The following KCNC2 variants were observed in gnomAD, a reference collection of about 807,000 sequenced individuals.
KCNC2 encodes the protein potassium voltage-gated channel subfamily C member 2.
In KCNC2, 21 loss-of-function variants were observed where a neutral mutation model predicts 44.5. That is an observed-to-expected ratio of 0.47 (90% confidence interval 0.33 to 0.68). The LOEUF (loss-of-function observed/expected upper bound fraction) is 0.68. KCNC2 is among the 30% of genes least tolerant of loss of function. The pLI, the probability that KCNC2 is intolerant of heterozygous loss-of-function variation, is 0.01. For synonymous variants in KCNC2, 391 were observed against 339.1 expected (o/e 1.15, Z -1.68); for missense variants, 589 against 826.2 (o/e 0.71, Z 3.52).
chr12:75,042,273 C>T lies in KCNC2; in HGVS notation c.*832G>A, dbSNP rs200057599. On this transcript the variant is annotated 3_prime_UTR_variant, in exon 5 of 5. Coordinates refer to ENST00000549446, the MANE Select transcript of KCNC2 (RefSeq NM_139137.4). ...GGCTAAACAATGCAAGCCTGGCTGG[C>T]AGTTACCTTTCTCTCATGTTTTGTG... is the stretch of plus-strand genomic sequence containing the variant. 5 of 1,607,864 alleles carry T rather than the reference C, an allele frequency of 3.1e-6. No individual in the cohort carries two copies. In the Admixed American group the frequency reaches 5.1e-5, roughly 16 times the overall value.
chr12:75,151,224 A>G (rs533815797), intron 2 of KCNC2, among the ~76,000 whole-genome samples: 4 of 152,116 alleles, frequency 2.6e-5, no homozygotes, highest in South Asian at 4.1e-4. Flanking sequence ...ACCCTTCCAT[A>G]TCAAACAAAC....
At chr12:75,187,307 C>T (rs1893020245) in intron 2 of KCNC2, among the ~76,000 whole-genome samples, 1 of 152,180 alleles carries the variant, frequency 6.6e-6, no homozygotes, top group Non-Finnish European at 1.5e-5. Flanking sequence ...CATTTCTGCT[C>T]TAGGAGAGTA....
At chr12:75,135,858 T>C (rs1398914078) in intron 2 of KCNC2, among the ~76,000 whole-genome samples, 2 of 152,030 alleles carry the variant, frequency 1.3e-5, no homozygotes, top group East Asian at 3.8e-4. Context: ...TGTCACTCTA[T>C]GTGTACCCAG....
intron 2 of KCNC2, among the ~76,000 whole-genome samples, chr12:75,206,240 G>A (rs1258121883): frequency 3.3e-5 from 5 of 152,048 alleles, no homozygotes; most frequent in East Asian, 1.9e-4. Context: ...TCTGGGTGTC[G>A]GAAGCAAACC....
intron 2 of KCNC2, among the ~76,000 whole-genome samples, chr12:75,101,918 C>CT (rs1886402330): frequency 6.6e-6 from 1 of 151,914 alleles, no homozygotes; most frequent in African/African-American, 2.4e-5. Flanking sequence ...GTTCAAACTG[C>CT]TTATCCTAGC....
intron 2 of KCNC2, among the ~76,000 whole-genome samples, chr12:75,076,237 G>C (rs1883958907): frequency 6.6e-6 from 1 of 152,050 alleles, no homozygotes; most frequent in African/African-American, 2.4e-5. Context: ...TTCTTGAACA[G>C]TGCCAGAACA....
chr12:75,156,535 A>G (rs888409501), intron 2 of KCNC2, among the ~76,000 whole-genome samples: 5 of 151,940 alleles, frequency 3.3e-5, no homozygotes, highest in South Asian at 4.1e-4. Context: ...CTTTAAAGTC[A>G]ATAGGTATTA....
intron 2 of KCNC2, among the ~76,000 whole-genome samples, chr12:75,110,137 A>C (rs1461698847): frequency 6.6e-6 from 1 of 152,150 alleles, no homozygotes; most frequent in Non-Finnish European, 1.5e-5. Context: ...AACAATAGAC[A>C]AAACGTTTTC....
chr12:75,197,660 T>C (rs1391915591), intron 2 of KCNC2, among the ~76,000 whole-genome samples: 1 of 152,010 alleles, frequency 6.6e-6, no homozygotes, highest in Non-Finnish European at 1.5e-5. Flanking sequence ...AGTTGTCAAC[T>C]AACAGATTCA....
In KCNC2 at chr12:75,053,254, A is replaced by G. The variant is rs1008964812; in HGVS notation, c.688-1937T>C. On this transcript the variant is annotated intron_variant, in intron 2 of 4. Coordinates refer to ENST00000549446, the MANE Select transcript of KCNC2 (RefSeq NM_139137.4). ...TGTCATTAGAGTCCTGCCAATATGT[A>G]CCTACTAACTCCCACCCCAACTACA... 7.1e-5 allele frequency among the ~76,000 whole-genome samples: 5 copies of G among 69,984 alleles called. No homozygotes were observed. The East Asian group carries it at 1.5e-3, about 20-fold the overall frequency. 45.9% of individuals were successfully genotyped at this position (69,984 alleles called of 152,430 possible). A position where few individuals can be genotyped will look rare whatever the true frequency, so the allele number is the denominator to read the frequency against.
chr12:75,074,163 A>T (rs1883684226), intron 2 of KCNC2, among the ~76,000 whole-genome samples: 1 of 152,082 alleles, frequency 6.6e-6, no homozygotes, highest in Non-Finnish European at 1.5e-5. Flanking sequence ...ATTCTATTAC[A>T]GTACTAGTCA....
chr12:75,186,751 T>C (rs1248246770), intron 2 of KCNC2, among the ~76,000 whole-genome samples: 8 of 152,244 alleles, frequency 5.3e-5, no homozygotes, highest in Non-Finnish European at 1.0e-4. Flanking sequence ...CTTATTTTCA[T>C]GATACTTTAT....
intron 2 of KCNC2, among the ~76,000 whole-genome samples, chr12:75,121,440 AG>A (rs1888038374): frequency 6.6e-6 from 1 of 152,234 alleles, no homozygotes; most frequent in African/African-American, 2.4e-5. Flanking sequence ...ATACTAAACA[AG>A]TAATCACACA....
chr12:75,113,709 T>C (rs138508113), intron 2 of KCNC2, among the ~76,000 whole-genome samples: 147 of 152,266 alleles, frequency 9.7e-4, no homozygotes, highest in African/African-American at 3.4e-3. Context: ...AAGTCCATCT[T>C]TGCAAGCTCA....
chr12:75,186,618 T>G (rs1393203778), intron 2 of KCNC2, among the ~76,000 whole-genome samples: 2 of 152,214 alleles, frequency 1.3e-5, no homozygotes, highest in African/African-American at 4.8e-5. Flanking sequence ...AAACTTTCTT[T>G]TATTTCCTGA....
intron 2 of KCNC2, among the ~76,000 whole-genome samples, chr12:75,057,216 C>CTGT (rs1881842643): frequency 2.6e-5 from 4 of 151,934 alleles, no homozygotes; most frequent in African/African-American, 7.2e-5. Context: ...TTCTTTTTTA[C>CTGT]AGCACCATAA....
chr12:75,187,121 T>A (rs118105318), intron 2 of KCNC2, among the ~76,000 whole-genome samples: 1 of 152,304 alleles, frequency 6.6e-6, no homozygotes, highest in Non-Finnish European at 1.5e-5. Context: ...TTCAGAAAAC[T>A]GACAAATTTG....
chr12:75,046,988 A>T (rs566185241), intron 4 of KCNC2, among the ~76,000 whole-genome samples: 2 of 152,150 alleles, frequency 1.3e-5, no homozygotes, highest in South Asian at 4.1e-4. Flanking sequence ...TTTGAACCTT[A>T]AAATGGTAAA....
chr12:75,200,680 A>G (rs1438720814), intron 2 of KCNC2, among the ~76,000 whole-genome samples: 6 of 151,592 alleles, frequency 4.0e-5, no homozygotes, highest in African/African-American at 1.2e-4. Context: ...ACTATACACT[A>G]TACATACACA....
Sources: allele counts gnomAD v4.1 joint callset (sites outside exome capture counted in the v4.1 genomes callset), GRCh38; gene constraint gnomAD v4.1.1; transcripts MANE v1.5; gene names NCBI Gene and HGNC (gene_info 2026-07-23, HGNC 2026-07-21).